The following RELN variants were observed in gnomAD, a reference collection of about 807,000 sequenced individuals.
RELN encodes reelin.
In RELN, 108 loss-of-function variants were observed where a neutral mutation model predicts 427.6. The observed-to-expected ratio is 0.25, with a 90% CI of 0.22 to 0.30. The LOEUF (loss-of-function observed/expected upper bound fraction) is 0.30. RELN is among the 10% of genes least tolerant of loss of function. The pLI, the probability that RELN is intolerant of heterozygous loss-of-function variation, is 1.00. For synonymous variants in RELN, 1,524 were observed against 1,513.4 expected (o/e 1.01, Z -0.16); for missense variants, 3,715 against 4,302.8 (o/e 0.86, Z 3.82).
intron 13 of RELN, among the ~76,000 whole-genome samples, chr7:103,652,973 G>A (rs1010060467): frequency 6.6e-6 from 1 of 152,062 alleles, no homozygotes; most frequent in African/African-American, 2.4e-5. Flanking sequence ...TGTGCACGAG[G>A]TGGGGGTCTC....
rs983944397 is a variant in RELN, at chr7:103,698,083, T to G, written c.913A>C (p.Asn305His). ...AGGATATGGATGATTGTGCTGACAT[T>G]GGAAGGGGCTCTGGAACATACAGAG... is the stretch of plus-strand genomic sequence containing the variant. ...IQLEKIRAPS[N>H]VSTIIHILYL... is the part of the protein sequence containing the mutation. Residue 305 changes from asparagine (N) to histidine (H), a missense_variant, in exon 10 of 65, where the codon AAT becomes CAT. Asn to His is a moderately conservative substitution (Grantham distance 68). Transcript: ENST00000428762. 6.2e-7 allele frequency: 1 copy of G among 1,613,726 alleles called. No individual in the cohort carries two copies. The highest frequency in any genetic ancestry group is 8.5e-7 in the Non-Finnish European group (1 of 1,179,740).
At chr7:103,693,159 C>T (rs1215775881) in intron 10 of RELN, among the ~76,000 whole-genome samples, 2 of 152,076 alleles carry the variant, frequency 1.3e-5, no homozygotes, top group African/African-American at 2.4e-5. Context: ...GAATACTATG[C>T]AGCCATATGG....
At chr7:103,473,402 T>C (rs1367190166) in intron 64 of RELN, among the ~76,000 whole-genome samples, 1 of 152,180 alleles carries the variant, frequency 6.6e-6, no homozygotes, top group Admixed American at 6.5e-5. Flanking sequence ...CAGCTTGACA[T>C]TCCTAGTTCA....
At chr7:103,608,903 T>A (rs565966427) in intron 22 of RELN, among the ~76,000 whole-genome samples, 1 of 152,214 alleles carries the variant, frequency 6.6e-6, no homozygotes, top group South Asian at 2.1e-4. Flanking sequence ...TTCATAATGT[T>A]TCTAGGGACA....
chr7:103,651,548 A>G, intron 15 of RELN, 113 bp downstream of exon 15: 1 of 973,760 alleles, frequency 1.0e-6, no homozygotes, highest in Non-Finnish European at 1.6e-6. Flanking sequence ...ACTTTTAAAG[A>G]GGTTAGGTTT....
At position 103,642,638 on chromosome 7, in the gene RELN, T is replaced by C. The variant is rs567717789; in HGVS notation, c.2003-2029A>G. 4.6e-5 allele frequency among the ~76,000 whole-genome samples: 7 copies of C among 152,208 alleles called. No individual in the cohort carries two copies. The South Asian group carries it at 1.2e-3, about 27-fold the overall frequency. On this transcript the variant is annotated intron_variant, in intron 16 of 64. Coordinates refer to ENST00000428762, the MANE Select transcript of RELN (RefSeq NM_005045.4). The stretch of plus-strand genomic sequence containing the variant: ...GTAGTGAACACTTTCTGAACTAAAA[T>C]TGTGTTGTAACAGCCTTCTTTAGGA...
Position 103,522,062 on chromosome 7 carries a change from C to T in RELN, c.7628G>A (p.Cys2543Tyr). 1 of 1,614,148 alleles carries T rather than the reference C, an allele frequency of 6.2e-7. No individual in the cohort carries two copies. Among genetic ancestry groups the T allele is most frequent in the Non-Finnish European group, 8.5e-7 (1 of 1,180,026 alleles). The change falls in exon 48 of 65, where the codon TGT (cysteine) becomes TAT (tyrosine). Residue 2543 changes from cysteine (C) to tyrosine (Y), a missense_variant. Transcript: ENST00000428762. The stretch of plus-strand genomic sequence containing the variant: ...AGCCATTCCCGACGCCACGGCTCCA[C>T]ACACTGTACTCAATTTCCCTCCGTT... ...TVNGGKLSTVCGAVASGMALH... is the reference protein window; with the variant it reads ...TVNGGKLSTVYGAVASGMALH...
chr7:103,483,010 G>A, intron 62 of RELN, 39 bp from the exon 63 acceptor site: 1 of 1,559,932 alleles, frequency 6.4e-7, no homozygotes. Flanking sequence ...TTATACATTA[G>A]GAAACAGAAC....
chr7:103,917,270 A>C, intron 1 of RELN, 85 bp from the exon 2 acceptor site: 1 of 1,040,692 alleles, frequency 9.6e-7, no homozygotes, highest in Non-Finnish European at 1.5e-6. Context: ...TTGTCAAAAC[A>C]ATCTTTACTC....
chr7:103,509,253 T>C (rs1829315720), intron 51 of RELN, among the ~76,000 whole-genome samples: 1 of 152,202 alleles, frequency 6.6e-6, no homozygotes, highest in Non-Finnish European at 1.5e-5. Flanking sequence ...CTTCAAAGTA[T>C]ACTATAAGGC....
chr7:103,857,306 T>C (rs1421392852), intron 2 of RELN, among the ~76,000 whole-genome samples: 1 of 152,202 alleles, frequency 6.6e-6, no homozygotes, highest in African/African-American at 2.4e-5. Flanking sequence ...TTTTAAGAAA[T>C]GAGGAGAGCA....
At chr7:103,547,876 C>T (rs1830334374) in intron 41 of RELN, among the ~76,000 whole-genome samples, 1 of 152,178 alleles carries the variant, frequency 6.6e-6, no homozygotes, top group Non-Finnish European at 1.5e-5. Flanking sequence ...ACTGCAAGCA[C>T]TATGATAAAT....
intron 2 of RELN, among the ~76,000 whole-genome samples, chr7:103,871,212 A>G (rs1486556867): frequency 6.6e-6 from 1 of 152,056 alleles, no homozygotes; most frequent in Non-Finnish European, 1.5e-5. Context: ...ATTAAGGTGT[A>G]CCTCTAGCTC....
intron 1 of RELN, among the ~76,000 whole-genome samples, chr7:103,981,834 T>G (rs1242218989): frequency 1.3e-5 from 2 of 152,196 alleles, no homozygotes; most frequent in Non-Finnish European, 2.9e-5. Context: ...CTGCTGAGTC[T>G]TTTATAAAAT....
At chr7:103,719,707 T>A (rs914043040) in intron 8 of RELN, among the ~76,000 whole-genome samples, 1 of 152,186 alleles carries the variant, frequency 6.6e-6, no homozygotes, top group East Asian at 1.9e-4. Context: ...TTTGCAAGGA[T>A]GTCATCTCAA....
chr7:103,688,466 G>A (rs1411671831), intron 10 of RELN, among the ~76,000 whole-genome samples: 2 of 152,148 alleles, frequency 1.3e-5, no homozygotes, highest in East Asian at 3.9e-4. Context: ...GATGAATTAG[G>A]TATGATAGTA....
intron 4 of RELN, among the ~76,000 whole-genome samples, chr7:103,768,382 T>C (rs1034526915): frequency 1.3e-5 from 2 of 152,156 alleles, no homozygotes; most frequent in Admixed American, 1.3e-4. Flanking sequence ...AATCTCTGAA[T>C]CTGGTCTATG....
rs181567072 is a variant in RELN, at chr7:103,645,279, C to T, written c.2003-4670G>A. ...ATAACAGGAATAAAAACTCACATGT[C>T]AATATAGTTCTTGAACAGAAATGGA... On this transcript the variant is annotated intron_variant, in intron 16 of 64. Coordinates refer to ENST00000428762, the MANE Select transcript of RELN (RefSeq NM_005045.4). Among the ~76,000 whole-genome samples, 237 of 151,816 alleles carry T rather than the reference C, an allele frequency of 1.6e-3. 1 individual carries two copies. Among genetic ancestry groups the T allele is most frequent in the African/African-American group, 5.6e-3 (231 of 41,498 alleles).
At chr7:103,883,775 A>G (rs976792490) in intron 2 of RELN, among the ~76,000 whole-genome samples, 1 of 152,228 alleles carries the variant, frequency 6.6e-6, no homozygotes, top group Non-Finnish European at 1.5e-5. Context: ...TGCTCAAGGA[A>G]TAAGAGAGGA....
Sources: allele counts gnomAD v4.1 joint callset (sites outside exome capture counted in the v4.1 genomes callset), GRCh38; gene constraint gnomAD v4.1.1; transcripts MANE v1.5; gene names NCBI Gene and HGNC (gene_info 2026-07-23, HGNC 2026-07-21).